The following ERBB4 variants were observed in gnomAD, a reference collection of about 807,000 sequenced individuals.
The protein encoded by ERBB4 is receptor tyrosine-protein kinase erbB-4.
ERBB4 carries 42 observed loss-of-function variants against 158.0 expected under a neutral mutation model. That is an observed-to-expected ratio of 0.27 (90% CI 0.21 to 0.34). ERBB4 has a LOEUF of 0.34. Among genes scored for constraint, ERBB4 ranks in the 10% least tolerant of loss-of-function variants. The pLI is 1.00. For missense variants in ERBB4, 1,333 were observed against 1,624.1 expected, an observed-to-expected ratio of 0.82 and a Z score of 3.08; for synonymous variants, 583 against 558.7, an observed-to-expected ratio of 1.04 and a Z score of -0.61.
intron 17 of ERBB4, among the ~76,000 whole-genome samples, chr2:211,629,215 A>C (rs2069996456): frequency 6.6e-6 from 1 of 152,220 alleles, no homozygotes; most frequent in Admixed American, 6.5e-5. Context: ...ATACAAAATC[A>C]ATGTGCAAAA....
intron 2 of ERBB4, among the ~76,000 whole-genome samples, chr2:211,957,825 T>G (rs1404980531): frequency 6.6e-6 from 1 of 152,182 alleles, no homozygotes; most frequent in Non-Finnish European, 1.5e-5. Flanking sequence ...AACTGCTTGC[T>G]AGCATTTCAA....
intron 3 of ERBB4, among the ~76,000 whole-genome samples, chr2:211,869,687 T>C (rs1290089838): frequency 6.6e-6 from 1 of 152,184 alleles, no homozygotes; most frequent in Non-Finnish European, 1.5e-5. Flanking sequence ...AAATATAACA[T>C]TGGACCCCCA....
At chr2:211,677,702 G>A in intron 13 of ERBB4, among the ~76,000 whole-genome samples, 1 of 151,188 alleles carries the variant, frequency 6.6e-6, no homozygotes, top group Non-Finnish European at 1.5e-5. Context: ...GTGAAACCCC[G>A]TCTCTACCAA....
intron 1 of ERBB4, among the ~76,000 whole-genome samples, chr2:212,189,086 G>T (rs1232407552): frequency 1.4e-5 from 2 of 138,990 alleles, no homozygotes; most frequent in Non-Finnish European, 3.1e-5. Flanking sequence ...TTTTTTTGGG[G>T]GGGGGGGTGA....
chr2:212,462,608 A>G (rs1178596758), intron 1 of ERBB4, among the ~76,000 whole-genome samples: 1 of 152,160 alleles, frequency 6.6e-6, no homozygotes, highest in Non-Finnish European at 1.5e-5. Flanking sequence ...AATAAGAAAT[A>G]ATGACAGGGA....
In ERBB4 at chr2:211,499,519, C is replaced by G. The variant is rs548990430; in HGVS notation, c.2487+62384G>C. Among the ~76,000 whole-genome samples, 5 of 151,970 alleles carry G rather than the reference C, an allele frequency of 3.3e-5. No homozygotes were observed. In the East Asian group the frequency reaches 9.7e-4, roughly 29 times the overall value. ...GCCTGGCAACAGAGCGAGACTCTGT[C>G]TCAGAAAAACAAAACAAAACAAAGC... On this transcript the variant is annotated intron_variant, in intron 20 of 27. Transcript: ENST00000342788.
chr2:212,219,955 C>CAA lies in ERBB4; in HGVS notation c.83-95054_83-95053dup, dbSNP rs11387376. ...TGAAAAATGTATTTTTATCAACCCG[C>CAA]AAAAAAAAAAAAAAGTGGGATTTTT... On this transcript the variant is annotated intron_variant, in intron 1 of 27. Coordinates refer to ENST00000342788, the MANE Select transcript of ERBB4 (RefSeq NM_005235.3). 3.7e-3 allele frequency among the ~76,000 whole-genome samples: 519 copies of CAA among 138,726 alleles called. 11 individuals are homozygous for CAA. The highest frequency in any genetic ancestry group is 4.6e-3 in the East Asian group (22 of 4,832). 91.0% of individuals were successfully genotyped at this position (138,726 alleles called of 152,430 possible). A position where few individuals can be genotyped will look rare whatever the true frequency, so the allele number is the denominator to read the frequency against.
intron 25 of ERBB4, among the ~76,000 whole-genome samples, chr2:211,408,538 C>T (rs560298996): frequency 1.6e-4 from 25 of 152,266 alleles, no homozygotes; most frequent in East Asian, 9.7e-4. Flanking sequence ...CATTCTTTAG[C>T]GCCAGACTCT....
intron 20 of ERBB4, among the ~76,000 whole-genome samples, chr2:211,523,495 T>A (rs550541062): frequency 3.3e-5 from 5 of 151,730 alleles, no homozygotes; most frequent in African/African-American, 1.2e-4. Flanking sequence ...CGTCTGGAGT[T>A]TGTTCCTTCT....
At chr2:212,189,555 C>T (rs17344929) in intron 1 of ERBB4, among the ~76,000 whole-genome samples, 29,041 of 152,010 alleles carry the variant, frequency 0.19, 3,074 homozygotes, top group Non-Finnish European at 0.22. Context: ...TTCTTGAGAG[C>T]GACATATCAA....
intron 1 of ERBB4, among the ~76,000 whole-genome samples, chr2:212,130,681 G>T (rs118010397): frequency 6.6e-6 from 1 of 152,122 alleles, no homozygotes; most frequent in East Asian, 1.9e-4. Flanking sequence ...TGCCTATTGC[G>T]AGATATCAGT....
At chr2:212,323,778 T>C (rs1488979233) in intron 1 of ERBB4, among the ~76,000 whole-genome samples, 1 of 150,254 alleles carries the variant, frequency 6.7e-6, no homozygotes, top group Non-Finnish European at 1.5e-5. Flanking sequence ...GAAAATATGC[T>C]GAAAGATTTG....
rs1688663704 is a variant in ERBB4, at chr2:212,463,240, A to C, written c.82+75209T>G. ...ACAATTATATATTTTCAAAGAGCTA[A>C]ATGAGAGGATTTTGAATTTTCCCAA... On this transcript the variant is annotated intron_variant, in intron 1 of 27. Coordinates refer to ENST00000342788, the MANE Select transcript of ERBB4 (RefSeq NM_005235.3). 2.6e-5 allele frequency among the ~76,000 whole-genome samples: 4 copies of C among 152,062 alleles called. No individual in the cohort carries two copies. In the South Asian group the frequency reaches 8.3e-4, roughly 31 times the overall value.
intron 2 of ERBB4, among the ~76,000 whole-genome samples, chr2:211,984,923 G>A (rs991327741): frequency 6.6e-6 from 1 of 151,894 alleles, no homozygotes; most frequent in Admixed American, 6.6e-5. Flanking sequence ...GTGGAGACGG[G>A]GTTTCACCAT....
intron 17 of ERBB4, among the ~76,000 whole-genome samples, chr2:211,628,221 GGTTA>G (rs10540728): frequency 0.75 from 113,372 of 151,438 alleles, 45,776 homozygotes; most frequent in Non-Finnish European, 0.89. Flanking sequence ...ACAACGTGCA[GGTTA>G]GTTACATATG....
chr2:212,431,043 T>C (rs924354892), intron 1 of ERBB4, among the ~76,000 whole-genome samples: 3 of 152,126 alleles, frequency 2.0e-5, no homozygotes, highest in Non-Finnish European at 4.4e-5. Context: ...TCTTCTCATA[T>C]CCTTGATGTT....
At chr2:212,482,983 C>A (rs1445350437) in intron 1 of ERBB4, among the ~76,000 whole-genome samples, 1 of 152,142 alleles carries the variant, frequency 6.6e-6, no homozygotes, top group Admixed American at 6.6e-5. Flanking sequence ...AGAATAAGCA[C>A]CTTCTGTTTC....
intron 20 of ERBB4, among the ~76,000 whole-genome samples, chr2:211,459,362 T>A (rs1397520795): frequency 6.6e-6 from 1 of 152,198 alleles, no homozygotes; most frequent in Non-Finnish European, 1.5e-5. Context: ...TCAAAAGTGG[T>A]AATCCCACAA....
intron 2 of ERBB4, among the ~76,000 whole-genome samples, chr2:212,054,036 G>A (rs150181553): frequency 7.2e-4 from 110 of 152,224 alleles, no homozygotes; most frequent in African/African-American, 2.2e-3. Context: ...AGGCCGTGGC[G>A]TCTACAGAAA....
Sources: gnomAD v4.1 joint callset for allele counts (sites outside exome capture counted in the v4.1 genomes callset) on GRCh38, gnomAD v4.1.1 for gene constraint, MANE v1.5 for transcripts, NCBI Gene and HGNC (gene_info 2026-07-23, HGNC 2026-07-21) for gene names.